The following EFR3A variants were observed in gnomAD, a reference collection of about 807,000 sequenced individuals.
EFR3A encodes protein EFR3 homolog A.
Under a neutral mutation model 104.4 loss-of-function variants are expected in EFR3A, and 76 were observed. The ratio of observed to expected loss-of-function variants is 0.73; its 90% CI spans 0.60 to 0.88. EFR3A has a LOEUF of 0.88. Ranked by LOEUF, EFR3A falls within the 40% of genes least tolerant of loss-of-function variation. EFR3A has a pLI of 0.00. For synonymous variants in EFR3A, 330 were observed against 330.0 expected (o/e 1.00, Z 0.00); for missense variants, 985 against 1,012.5 (o/e 0.97, Z 0.37).
chr8:131,995,918 T>G (rs1252835144), intron 18 of EFR3A, among the ~76,000 whole-genome samples: 1 of 152,164 alleles, frequency 6.6e-6, no homozygotes, highest in East Asian at 1.9e-4. Context: ...AGCCCACAAA[T>G]TGTAATGCAC....
intron 1 of EFR3A, among the ~76,000 whole-genome samples, chr8:131,938,013 T>A (rs1817991922): frequency 6.6e-6 from 1 of 152,126 alleles, no homozygotes; most frequent in African/African-American, 2.4e-5. Context: ...AGTATCTTAT[T>A]TAAGCTAGTT....
intron 20 of EFR3A, 67 bp from the exon 21 acceptor site, chr8:132,002,536 C>T (rs1365104745): frequency 3.2e-5 from 41 of 1,301,410 alleles, no homozygotes; most frequent in East Asian, 7.2e-5. Flanking sequence ...TAACTCTTAA[C>T]GGTCATTGAC....
chr8:131,976,923 GT>G, intron 11 of EFR3A, 117 bp from the exon 12 acceptor site: 1 of 657,508 alleles, frequency 1.5e-6, no homozygotes, highest in Non-Finnish European at 2.4e-6. Flanking sequence ...GACTTAAACT[GT>G]TACAAAAATA....
intron 18 of EFR3A, among the ~76,000 whole-genome samples, chr8:131,990,803 A>G (rs1821140934): frequency 6.6e-6 from 1 of 152,080 alleles, no homozygotes; most frequent in South Asian, 2.1e-4. Flanking sequence ...ATGAGAGAGA[A>G]TTTATAGGCA....
chr8:131,904,234 C>T lies in EFR3A; in HGVS notation c.-79C>T, dbSNP rs1456165514. ...CGTTCCGGCCTCCGCGGCCCAGCAA[C>T]GGCCGTCATGGTGCCGTCGGCGCTC... is the stretch of plus-strand genomic sequence containing the variant. On this transcript the variant is annotated 5_prime_UTR_variant, in exon 1 of 23. The change creates a new upstream start codon in the 5' untranslated region. Coordinates refer to ENST00000254624, the MANE Select transcript of EFR3A (RefSeq NM_015137.6). 3.9e-6 allele frequency: 5 copies of T among 1,267,490 alleles called. 1 individual carries two copies. Among genetic ancestry groups the T allele is most frequent in the Non-Finnish European group, 5.0e-6 (5 of 1,003,808 alleles). The allele number at this position is 1,267,490 out of a possible 1,614,324, so 78.5% of individuals were successfully genotyped here. A position where few individuals can be genotyped will look rare whatever the true frequency, so the allele number is the denominator to read the frequency against.
chr8:131,938,611 A>G (rs968708008), intron 1 of EFR3A, among the ~76,000 whole-genome samples: 4 of 152,132 alleles, frequency 2.6e-5, no homozygotes, highest in Non-Finnish European at 5.9e-5. Flanking sequence ...CCTATATGGC[A>G]ATGCATCCCT....
chr8:132,007,941 CATTAATT>C (rs1429226655), intron 22 of EFR3A, among the ~76,000 whole-genome samples: 2 of 151,874 alleles, frequency 1.3e-5, no homozygotes, highest in African/African-American at 4.8e-5. Context: ...CAAACACAAA[CATTAATT>C]ATTAAGTTGG....
At chr8:131,913,275 G>A (rs918193072) in intron 1 of EFR3A, among the ~76,000 whole-genome samples, 1 of 151,732 alleles carries the variant, frequency 6.6e-6, no homozygotes, top group African/African-American at 2.4e-5. Flanking sequence ...TGTATTTGCC[G>A]GGTTTATTCA....
chr8:131,987,504 G>A (rs1388723522), intron 17 of EFR3A, 71 bp from the exon 18 acceptor site: 1 of 1,469,148 alleles, frequency 6.8e-7, no homozygotes, highest in African/African-American at 1.4e-5. Context: ...GCTCTGGAAT[G>A]TTTTGCATAG....
At chr8:131,927,293 A>G (rs531916682) in intron 1 of EFR3A, among the ~76,000 whole-genome samples, 1 of 152,174 alleles carries the variant, frequency 6.6e-6, no homozygotes, top group Admixed American at 6.5e-5. Flanking sequence ...TTCTTCATAC[A>G]TGTTAGTTTG....
Position 131,977,085 on chromosome 8 carries a change from T to C in EFR3A, c.1319T>C (p.Leu440Ser), listed in dbSNP as rs1820359447. ...ATTCAGATAATGTTGCTGAGATCTT[T>C]GCTTATGGTAAGGCATTTAAGACAA... ...RRIQIMLLRS[L>S]LMVTSGYKAK... Residue 440 changes from leucine to serine, a missense_variant, in exon 12 of 23, where the codon TTG (leucine) becomes TCG (serine). Physicochemically the swap from Leu to Ser is moderately radical, Grantham distance 145 (BLOSUM62 -2). Coordinates refer to ENST00000254624, the MANE Select transcript of EFR3A (RefSeq NM_015137.6). The C allele has an allele frequency of 1.2e-6, 2 of 1,602,354 alleles. No homozygotes were observed. Among genetic ancestry groups the C allele is most frequent in the South Asian group, 1.1e-5 (1 of 88,366 alleles).
At chr8:131,936,872 C>T (rs2130533578) in intron 1 of EFR3A, among the ~76,000 whole-genome samples, 2 of 152,224 alleles carry the variant, frequency 1.3e-5, no homozygotes, top group Middle Eastern at 3.4e-3. Flanking sequence ...CCCATCCACA[C>T]CCAGTCCTTT....
Position 131,911,669 on chromosome 8 carries a change from C to A in EFR3A, c.10+7347C>A, listed in dbSNP as rs551983590. On this transcript the variant is annotated intron_variant, in intron 1 of 22. Coordinates refer to ENST00000254624, the MANE Select transcript of EFR3A (RefSeq NM_015137.6). ...TGCACAAGAGCCTTCAGAATGAAGA[C>A]CCAAAGATACGGGGGAAAATGCCCA... Among the ~76,000 whole-genome samples the A allele has an allele frequency of 4.6e-5, 7 of 152,234 alleles. No individual in the cohort carries two copies. The East Asian group carries it at 1.4e-3, about 29-fold the overall frequency.
At chr8:131,950,235 T>C (rs1818632099) in intron 5 of EFR3A, 145 bp downstream of exon 5, 1 of 891,302 alleles carries the variant, frequency 1.1e-6, no homozygotes, top group Non-Finnish European at 1.6e-6. Flanking sequence ...AATTGCTGAC[T>C]GAAGTAGCAA....
chr8:131,946,773 G>C, intron 4 of EFR3A, 140 bp downstream of exon 4: 3 of 785,400 alleles, frequency 3.8e-6, no homozygotes, highest in Non-Finnish European at 5.4e-6. Flanking sequence ...AAGATAATTA[G>C]AATACTTTGC....
chr8:131,953,437 G>A (rs1014547479), intron 5 of EFR3A, among the ~76,000 whole-genome samples: 1 of 151,958 alleles, frequency 6.6e-6, no homozygotes, highest in Non-Finnish European at 1.5e-5. Context: ...AAGCATGAAG[G>A]GTGTTCAGAA....
chr8:131,970,802 C>G (rs562333938), intron 10 of EFR3A, among the ~76,000 whole-genome samples, 159 bp downstream of exon 10: 23 of 152,288 alleles, frequency 1.5e-4, no homozygotes, highest in Admixed American at 9.8e-4. Flanking sequence ...GAGAATGGAA[C>G]AAAGAACACT....
Position 131,947,340 on chromosome 8 carries a change from C to T in EFR3A, c.366+707C>T, listed in dbSNP as rs370273779. On this transcript the variant is annotated intron_variant, in intron 4 of 22. Coordinates refer to ENST00000254624, the MANE Select transcript of EFR3A (RefSeq NM_015137.6). Reference sequence around the variant, plus strand: ...CTTTGGAGAAATGTCTATTCAAATCCTTTCCCTCCTTTTTTCAATTGTCTT... The same window carrying T: ...CTTTGGAGAAATGTCTATTCAAATCTTTTCCCTCCTTTTTTCAATTGTCTT... 2.1e-3 allele frequency among the ~76,000 whole-genome samples: 315 copies of T among 151,748 alleles called. 1 individual carries two copies. Among genetic ancestry groups the T allele is most frequent in the South Asian group, 0.014 (65 of 4,802 alleles).
At chr8:131,945,028 A>G (rs1474319851) in intron 3 of EFR3A, among the ~76,000 whole-genome samples, 156 bp downstream of exon 3, 6 of 152,094 alleles carry the variant, frequency 3.9e-5, no homozygotes, top group Non-Finnish European at 7.4e-5. Context: ...TAATACTCCA[A>G]TAGATGCTGT....
Sources: allele counts gnomAD v4.1 joint callset (sites outside exome capture counted in the v4.1 genomes callset), GRCh38; gene constraint gnomAD v4.1.1; transcripts MANE v1.5; gene names NCBI Gene and HGNC (gene_info 2026-07-23, HGNC 2026-07-21).